AUTS2: variants seen among roughly 807,000 people sequenced by gnomAD.
AUTS2 encodes the protein autism susceptibility gene 2 protein.
A neutral mutation model predicts 112.4 loss-of-function variants in AUTS2; 17 were observed. The ratio of observed to expected loss-of-function variants is 0.15; its 90% CI spans 0.10 to 0.23. The LOEUF is 0.23. AUTS2 is among the 10% of genes least tolerant of loss of function. AUTS2 has a pLI of 1.00. For synonymous variants in AUTS2, 751 were observed against 702.7 expected (o/e 1.07, Z -1.09); for missense variants, 1,510 against 1,701.6 (o/e 0.89, Z 1.98).
At chr7:70,312,627 A>G (rs1265351016) in intron 4 of AUTS2, among the ~76,000 whole-genome samples, 1 of 152,204 alleles carries the variant, frequency 6.6e-6, no homozygotes, top group Non-Finnish European at 1.5e-5. Context: ...GACACTGTGA[A>G]GGTGGGACTG....
chr7:69,739,555 A>AG (rs1787176625), intron 1 of AUTS2, among the ~76,000 whole-genome samples: 1 of 152,208 alleles, frequency 6.6e-6, no homozygotes, highest in Non-Finnish European at 1.5e-5. Flanking sequence ...CAAGCTCAAA[A>AG]GAAAACAACA....
At chr7:69,850,518 G>T (rs928526623) in intron 1 of AUTS2, among the ~76,000 whole-genome samples, 1 of 149,332 alleles carries the variant, frequency 6.7e-6, no homozygotes, top group African/African-American at 2.5e-5. Context: ...CCAGGATTTG[G>T]AATTGTTGCT....
intron 2 of AUTS2, among the ~76,000 whole-genome samples, chr7:69,950,968 T>C (rs1797003136): frequency 1.3e-5 from 2 of 151,796 alleles, no homozygotes; most frequent in Admixed American, 6.6e-5. Flanking sequence ...GACCTGTCTC[T>C]CTCTTTCTCT....
intron 2 of AUTS2, among the ~76,000 whole-genome samples, chr7:70,054,020 A>G (rs1001683094): frequency 3.9e-5 from 6 of 152,034 alleles, no homozygotes; most frequent in African/African-American, 1.4e-4. Flanking sequence ...CAAAAGAAAA[A>G]CCTTTTTCCA....
chr7:70,135,490 C>T (rs1056844721), intron 4 of AUTS2, among the ~76,000 whole-genome samples: 2 of 152,048 alleles, frequency 1.3e-5, no homozygotes, highest in African/African-American at 4.8e-5. Context: ...TACTAATTCA[C>T]TTTAGTTGCT....
At chr7:70,291,841 T>C (rs1034010586) in intron 4 of AUTS2, 2 of 152,134 alleles carry the variant, frequency 1.3e-5, no homozygotes, top group African/African-American at 4.8e-5. Context: ...TTTATAAATA[T>C]GAAGGAGGCT....
intron 5 of AUTS2, among the ~76,000 whole-genome samples, chr7:70,623,078 A>G (rs562533659): frequency 6.6e-6 from 1 of 152,346 alleles, no homozygotes; most frequent in East Asian, 1.9e-4. Context: ...TTTTATGACC[A>G]TGGATTATAT....
rs541312910 is a variant in AUTS2, at chr7:69,864,267, C to CT, written c.310-35012dup. Among the ~76,000 whole-genome samples, 10 of 152,228 alleles carry CT rather than the reference C, an allele frequency of 6.6e-5. No homozygotes were observed. In the South Asian group the frequency reaches 2.1e-3, roughly 32 times the overall value. On this transcript the variant is annotated intron_variant, in intron 1 of 18. Coordinates refer to ENST00000342771, the MANE Select transcript of AUTS2 (RefSeq NM_015570.4). ...GCAATAAAGCAAATTGTCTCCTGTT[C>CT]TTTTTTTCCCCCTACGGTGCAGCCA...
chr7:69,789,557 T>C (rs927762684), intron 1 of AUTS2, among the ~76,000 whole-genome samples: 2 of 152,218 alleles, frequency 1.3e-5, no homozygotes, highest in Non-Finnish European at 2.9e-5. Context: ...TGCACCTTTC[T>C]TGGCCTATAG....
intron 1 of AUTS2, among the ~76,000 whole-genome samples, chr7:69,782,430 A>G (rs190539691): frequency 6.6e-6 from 1 of 150,430 alleles, no homozygotes; most frequent in African/African-American, 2.4e-5. Flanking sequence ...CCAAGGTCTC[A>G]TCCAGTCATG....
chr7:70,224,987 A>C (rs1811688872), intron 4 of AUTS2, among the ~76,000 whole-genome samples: 1 of 152,238 alleles, frequency 6.6e-6, no homozygotes, highest in Admixed American at 6.5e-5. Context: ...CAATGACAGA[A>C]TCATCTAATG....
intron 1 of AUTS2, among the ~76,000 whole-genome samples, chr7:69,676,821 CTTT>C (rs11295807): frequency 1.8e-4 from 27 of 147,864 alleles, no homozygotes; most frequent in African/African-American, 6.2e-4. Context: ...TTTCTTTTTT[CTTT>C]TTTTTTTTTA....
At chr7:70,620,107 C>T (rs894260479) in intron 5 of AUTS2, among the ~76,000 whole-genome samples, 2 of 152,080 alleles carry the variant, frequency 1.3e-5, no homozygotes, top group Non-Finnish European at 2.9e-5. Flanking sequence ...GTGCTGCGGG[C>T]AGAAGTCAGG....
At chr7:70,369,620 G>A (rs558370723) in intron 4 of AUTS2, among the ~76,000 whole-genome samples, 170 of 152,224 alleles carry the variant, frequency 1.1e-3, no homozygotes, top group African/African-American at 3.9e-3. Flanking sequence ...ATTAGATCAA[G>A]AAATTATGGG....
chr7:70,583,029 G>A (rs768952340), intron 5 of AUTS2, among the ~76,000 whole-genome samples: 1 of 152,056 alleles, frequency 6.6e-6, no homozygotes, highest in Non-Finnish European at 1.5e-5. Context: ...TTGTCCAAAC[G>A]CATATTGCCT....
intron 1 of AUTS2, among the ~76,000 whole-genome samples, chr7:69,675,093 A>G (rs891100681): frequency 6.6e-6 from 1 of 152,160 alleles, no homozygotes; most frequent in Non-Finnish European, 1.5e-5. Context: ...CACTTTGGCA[A>G]CAAGACAGAG....
intron 1 of AUTS2, among the ~76,000 whole-genome samples, chr7:69,650,121 T>C (rs1282417200): frequency 2.0e-5 from 3 of 152,084 alleles, no homozygotes. Context: ...GGCAAAATCA[T>C]TTATTGGGAT....
At chr7:70,611,299 T>A (rs959984104) in intron 5 of AUTS2, among the ~76,000 whole-genome samples, 4 of 152,082 alleles carry the variant, frequency 2.6e-5, no homozygotes, top group Non-Finnish European at 4.4e-5. Context: ...CCTTAAAGAG[T>A]CAAGGGCATG....
chr7:69,661,908 A>T (rs1453963927), intron 1 of AUTS2, among the ~76,000 whole-genome samples: 1 of 152,232 alleles, frequency 6.6e-6, no homozygotes, highest in East Asian at 1.9e-4. Context: ...AACTTGAAAT[A>T]GCATGAGGGT....
Sources: gnomAD v4.1 joint callset for allele counts (sites outside exome capture counted in the v4.1 genomes callset) on GRCh38, gnomAD v4.1.1 for gene constraint, MANE v1.5 for transcripts, NCBI Gene and HGNC (gene_info 2026-07-23, HGNC 2026-07-21) for gene names.